The following EFR3B variants were observed in gnomAD, a reference collection of about 807,000 sequenced individuals.
EFR3B encodes the protein protein EFR3 homolog B.
In EFR3B, 64 loss-of-function variants were observed where a neutral mutation model predicts 104.7. The observed-to-expected ratio is 0.61, with a 90% CI of 0.50 to 0.75. The LOEUF (loss-of-function observed/expected upper bound fraction) is 0.75, where lower values mean the gene tolerates loss of function less well. EFR3B is among the 30% of genes least tolerant of loss of function. The probability of loss-of-function intolerance (pLI) is 0.00; values close to 1 mark genes in which losing one functional copy is unlikely to be tolerated. For synonymous variants in EFR3B, 385 were observed against 417.9 expected (o/e 0.92, Z 0.96); for missense variants, 750 against 1,078.5 (o/e 0.70, Z 4.27).
intron 1 of EFR3B, among the ~76,000 whole-genome samples, chr2:25,058,525 G>A (rs1032810508): frequency 2.6e-5 from 4 of 152,112 alleles, no homozygotes; most frequent in African/African-American, 9.7e-5. Flanking sequence ...TTGAGAGGCC[G>A]AGGCAGGCAG....
chr2:25,112,161 T>C (rs1669739527), intron 4 of EFR3B, among the ~76,000 whole-genome samples: 1 of 152,262 alleles, frequency 6.6e-6, no homozygotes, highest in Non-Finnish European at 1.5e-5. Flanking sequence ...GCCCCAATTT[T>C]CAGCACTTTG....
rs933717727 is a variant in EFR3B, at chr2:25,097,110, A to G, written c.212+3980A>G. On this transcript the variant is annotated intron_variant, in intron 3 of 22. Coordinates refer to ENST00000403714, the MANE Select transcript of EFR3B (RefSeq NM_014971.2). Reference sequence around the variant, plus strand: ...AATTTCACTGGCTGTCTCTGCAGTGATGGTTCTCTCAGTAAAAAAATGTCC... The same window carrying G: ...AATTTCACTGGCTGTCTCTGCAGTGGTGGTTCTCTCAGTAAAAAAATGTCC... 3.3e-4 allele frequency among the ~76,000 whole-genome samples: 51 copies of G among 152,314 alleles called. 1 individual carries two copies. The highest frequency in any genetic ancestry group is 4.4e-4 in the Non-Finnish European group (30 of 68,024).
intron 1 of EFR3B, among the ~76,000 whole-genome samples, chr2:25,045,675 G>T (rs1412746756): frequency 2.0e-5 from 3 of 152,054 alleles, no homozygotes; most frequent in African/African-American, 7.2e-5. Flanking sequence ...CCGGTTACTC[G>T]GGAGACTGAG....
intron 12 of EFR3B, 61 bp from the exon 13 acceptor site, chr2:25,135,406 C>T: frequency 1.3e-6 from 2 of 1,534,380 alleles, no homozygotes; most frequent in East Asian, 2.5e-5. Context: ...GCTCCTCCAT[C>T]TCCTCCTGCA....
intron 19 of EFR3B, among the ~76,000 whole-genome samples, chr2:25,148,042 A>G (rs1169205244): frequency 6.6e-6 from 1 of 151,482 alleles, no homozygotes; most frequent in Non-Finnish European, 1.5e-5. Flanking sequence ...AAAAAAAAAA[A>G]AAAAAGAAGA....
chr2:25,148,519 T>C (rs1573239253), intron 19 of EFR3B, among the ~76,000 whole-genome samples: 3 of 151,752 alleles, frequency 2.0e-5, no homozygotes, highest in Admixed American at 1.3e-4. Context: ...CCTCCCAAAG[T>C]GCTGTGATTC....
rs1406963365 is a variant in EFR3B, at chr2:25,128,230, C to T, written c.533C>T (p.Thr178Met). ...GGCCTGCAAGGGGTGGTGAGGAAGA[C>T]GGTGAATGATGAACTGCAGGCCAAT... ...IKGLQGVVRK[T>M]VNDELQANIW... The change falls in exon 6 of 23, where the codon ACG becomes ATG. Residue 178 changes from threonine (T) to methionine (M), a missense_variant. Coordinates refer to ENST00000403714, the MANE Select transcript of EFR3B (RefSeq NM_014971.2). 3 of 1,551,584 alleles carry T rather than the reference C, an allele frequency of 1.9e-6. No homozygotes were observed. Among genetic ancestry groups the T allele is most frequent in the Admixed American group, 2.0e-5 (1 of 50,976 alleles).
At chr2:25,117,331 G>T (rs774758132) in intron 4 of EFR3B, among the ~76,000 whole-genome samples, 1 of 152,038 alleles carries the variant, frequency 6.6e-6, no homozygotes, top group African/African-American at 2.4e-5. Flanking sequence ...GGTCAGCAGC[G>T]CCCTGTGACT....
intron 5 of EFR3B, among the ~76,000 whole-genome samples, chr2:25,127,562 AAAAG>A (rs1040763941): frequency 3.9e-5 from 6 of 152,200 alleles, no homozygotes; most frequent in East Asian, 1.9e-4. Context: ...GGTTTTATAA[AAAAG>A]AAAGAAAGAA....
intron 1 of EFR3B, among the ~76,000 whole-genome samples, chr2:25,046,686 G>A (rs1667729301): frequency 6.6e-6 from 1 of 151,062 alleles, no homozygotes; most frequent in African/African-American, 2.4e-5. Context: ...TGTATTTTTA[G>A]TAGAGACGGG....
At chr2:25,096,283 G>A (rs1302891299) in intron 3 of EFR3B, among the ~76,000 whole-genome samples, 1 of 152,188 alleles carries the variant, frequency 6.6e-6, no homozygotes, top group East Asian at 1.9e-4. Flanking sequence ...CAAAATGCTG[G>A]GATTACAGGC....
intron 16 of EFR3B, among the ~76,000 whole-genome samples, chr2:25,140,548 C>A (rs1042010232): frequency 1.8e-4 from 28 of 152,106 alleles, no homozygotes; most frequent in Non-Finnish European, 3.5e-4. Flanking sequence ...ACCCTCGACA[C>A]ACACCTGTAT....
intron 20 of EFR3B, among the ~76,000 whole-genome samples, chr2:25,150,040 G>A (rs551536066): frequency 6.6e-6 from 1 of 152,182 alleles, no homozygotes; most frequent in South Asian, 2.1e-4. Flanking sequence ...GGTGGCTCAC[G>A]CCTGTAATCC....
chr2:25,142,338 C>T (rs955254905), intron 17 of EFR3B, among the ~76,000 whole-genome samples: 2 of 151,218 alleles, frequency 1.3e-5, no homozygotes, highest in African/African-American at 4.9e-5. Context: ...AGCTACTCTA[C>T]TCGGGAGGCT....
intron 5 of EFR3B, among the ~76,000 whole-genome samples, chr2:25,124,980 C>T (rs977508384): frequency 1.3e-5 from 2 of 151,334 alleles, no homozygotes; most frequent in Non-Finnish European, 2.9e-5. Context: ...ATCACTTGAA[C>T]CTGGGAGGTG....
intron 1 of EFR3B, among the ~76,000 whole-genome samples, chr2:25,088,202 T>C (rs1669013917): frequency 6.6e-6 from 1 of 152,152 alleles, no homozygotes; most frequent in Non-Finnish European, 1.5e-5. Flanking sequence ...CTCTTGTTTG[T>C]AGCTCCATTC....
At chr2:25,105,453 C>G (rs1157553624) in intron 4 of EFR3B, among the ~76,000 whole-genome samples, 5 of 152,210 alleles carry the variant, frequency 3.3e-5, no homozygotes, top group Non-Finnish European at 7.3e-5. Context: ...GCCCAGCCCT[C>G]AATCTGAATT....
rs1671095444 is a variant in EFR3B at position 25,154,095 on chromosome 2, C to T, written c.2349-140C>T. ...TGTAGATTCTAGTAGAACGTGGAAT[C>T]CTGGGAACCTGTGGAATGAAGGGGT... On this transcript the variant is annotated intron_variant, in intron 22 of 22. Coordinates refer to ENST00000403714, the MANE Select transcript of EFR3B (RefSeq NM_014971.2). This position sits in a 1 kb window ranked among gnomAD's most constrained non-coding sequence, Gnocchi z 4.1. 1 of 736,940 alleles carries T rather than the reference C, an allele frequency of 1.4e-6. No individual in the cohort carries two copies. The highest frequency in any genetic ancestry group is 2.8e-5 in the Admixed American group (1 of 36,152). The allele number at this position is 736,940 out of a possible 1,614,324, so 45.7% of individuals were successfully genotyped here. A position where few individuals can be genotyped will look rare whatever the true frequency, so the allele number is the denominator to read the frequency against.
intron 1 of EFR3B, among the ~76,000 whole-genome samples, chr2:25,072,249 C>T (rs1182583214): frequency 2.1e-5 from 3 of 143,650 alleles, no homozygotes; most frequent in Non-Finnish European, 4.5e-5. Flanking sequence ...GTTCTCTTTC[C>T]CCACCACCCT....
Sources: allele counts gnomAD v4.1 joint callset (sites outside exome capture counted in the v4.1 genomes callset), GRCh38; gene constraint gnomAD v4.1.1; non-coding constraint Gnocchi (gnomAD v3.1); transcripts MANE v1.5; gene names NCBI Gene and HGNC (gene_info 2026-07-23, HGNC 2026-07-21).